The following MARCHF1 variants were observed in gnomAD, a reference collection of about 807,000 sequenced individuals.
MARCHF1 encodes membrane associated ring-CH-type finger 1.
In MARCHF1, 40 loss-of-function variants were observed where a neutral mutation model predicts 54.2. The observed-to-expected ratio is 0.74, with a 90% confidence interval of 0.57 to 0.96. MARCHF1 has a LOEUF of 0.96. Among genes scored for constraint, MARCHF1 ranks in the 40% least tolerant of loss-of-function variants. The pLI is 0.00. For missense variants in MARCHF1, 586 were observed against 656.5 expected, an observed-to-expected ratio of 0.89 and a Z score of 1.17; for synonymous variants, 236 against 236.3, an observed-to-expected ratio of 1.00 and a Z score of 0.01.
At chr4:164,100,731 T>C (rs994441359) in intron 2 of MARCHF1, among the ~76,000 whole-genome samples, 1 of 152,160 alleles carries the variant, frequency 6.6e-6, no homozygotes, top group Admixed American at 6.5e-5. Flanking sequence ...GTCAAGATAA[T>C]TGTCTAAGGA....
At chr4:164,340,922 A>C (rs1295392753) in intron 1 of MARCHF1, among the ~76,000 whole-genome samples, 1 of 151,814 alleles carries the variant, frequency 6.6e-6, no homozygotes, top group East Asian at 1.9e-4. Context: ...ACTACAAAAA[A>C]AAAAAAAAAA....
At chr4:163,814,279 C>T (rs1348378512) in intron 4 of MARCHF1, among the ~76,000 whole-genome samples, 2 of 152,208 alleles carry the variant, frequency 1.3e-5, no homozygotes, top group Admixed American at 1.3e-4. Flanking sequence ...AGTCTCCATA[C>T]TCAGGTTGGT....
At chr4:163,923,301 A>G (rs927306117) in intron 3 of MARCHF1, among the ~76,000 whole-genome samples, 1 of 152,186 alleles carries the variant, frequency 6.6e-6, no homozygotes, top group African/African-American at 2.4e-5. Flanking sequence ...TTCAAAATGA[A>G]TCATTAAAAA....
chr4:164,279,252 C>A (rs1485177356), intron 1 of MARCHF1, among the ~76,000 whole-genome samples: 1 of 150,576 alleles, frequency 6.6e-6, no homozygotes, highest in Non-Finnish European at 1.5e-5. Context: ...AGAAAGGAAA[C>A]AAAATAAACA....
intron 1 of MARCHF1, among the ~76,000 whole-genome samples, chr4:164,193,154 C>T (rs1731164465): frequency 6.6e-6 from 1 of 152,090 alleles, no homozygotes; most frequent in South Asian, 2.1e-4. Flanking sequence ...ATCCAATTTT[C>T]ACACTAAATG....
At chr4:164,223,748 T>C (rs565614582) in intron 1 of MARCHF1, among the ~76,000 whole-genome samples, 129 of 151,864 alleles carry the variant, frequency 8.5e-4, no homozygotes, top group African/African-American at 3.1e-3. Context: ...CAAAGTGTGT[T>C]TCCTGAAATA....
chr4:163,792,531 C>A (rs997237715), intron 4 of MARCHF1, among the ~76,000 whole-genome samples: 1 of 151,800 alleles, frequency 6.6e-6, no homozygotes, highest in African/African-American at 2.4e-5. Flanking sequence ...ATATATAATT[C>A]TTTTATAGTG....
chr4:164,281,437 G>A (rs936918580), intron 1 of MARCHF1, among the ~76,000 whole-genome samples: 2 of 152,128 alleles, frequency 1.3e-5, no homozygotes, highest in African/African-American at 4.8e-5. Flanking sequence ...TAACAATACT[G>A]ATGAGTAAAA....
chr4:164,128,673 C>G (rs563284224), intron 1 of MARCHF1, among the ~76,000 whole-genome samples: 10 of 152,114 alleles, frequency 6.6e-5, no homozygotes, highest in African/African-American at 1.4e-4. Context: ...ACATATATTG[C>G]TGGTGAGAAA....
chr4:163,832,757 A>G (rs1300255902), intron 4 of MARCHF1, among the ~76,000 whole-genome samples: 5 of 111,356 alleles, frequency 4.5e-5, no homozygotes, highest in Non-Finnish European at 8.8e-5. Flanking sequence ...ACCCCACAAC[A>G]GTCTCCAGTG....
At chr4:163,879,132 T>A (rs1412918348) in intron 3 of MARCHF1, among the ~76,000 whole-genome samples, 1 of 152,202 alleles carries the variant, frequency 6.6e-6, no homozygotes, top group East Asian at 1.9e-4. Flanking sequence ...AAAGAGACAC[T>A]ATGAAGACAA....
intron 3 of MARCHF1, among the ~76,000 whole-genome samples, chr4:163,968,789 C>G (rs1393888087): frequency 3.9e-5 from 6 of 152,118 alleles, no homozygotes; most frequent in Non-Finnish European, 7.4e-5. Flanking sequence ...CAACAAACAG[C>G]TCTGAAGTGC....
intron 7 of MARCHF1, among the ~76,000 whole-genome samples, chr4:163,586,800 T>C (rs1221926030): frequency 6.7e-6 from 1 of 148,532 alleles, no homozygotes; most frequent in Non-Finnish European, 1.5e-5. Flanking sequence ...ATGTAATTTA[T>C]TAAATATGGT....
intron 1 of MARCHF1, among the ~76,000 whole-genome samples, chr4:164,231,071 T>A (rs910475790): frequency 2.0e-5 from 3 of 152,104 alleles, no homozygotes; most frequent in Non-Finnish European, 4.4e-5. Context: ...GATATAAAGG[T>A]CCAGGACTTA....
At chr4:164,069,649 A>G (rs1754818706) in intron 2 of MARCHF1, among the ~76,000 whole-genome samples, 1 of 152,120 alleles carries the variant, frequency 6.6e-6, no homozygotes, top group South Asian at 2.1e-4. Flanking sequence ...AGAAGGAACA[A>G]ACTCTTTGGA....
chr4:164,034,630 G>T (rs1244923239), intron 2 of MARCHF1, among the ~76,000 whole-genome samples: 5 of 151,898 alleles, frequency 3.3e-5, no homozygotes, highest in African/African-American at 1.2e-4. Flanking sequence ...ACATATGTGT[G>T]TGTGTATATA....
intron 7 of MARCHF1, among the ~76,000 whole-genome samples, chr4:163,602,591 G>T (rs1431706141): frequency 1.3e-5 from 2 of 152,058 alleles, no homozygotes; most frequent in African/African-American, 4.8e-5. Context: ...AAAATCAACA[G>T]GAGAATGGTT....
At chr4:164,234,387 A>C (rs1180007788) in intron 1 of MARCHF1, among the ~76,000 whole-genome samples, 1 of 152,160 alleles carries the variant, frequency 6.6e-6, no homozygotes, top group Non-Finnish European at 1.5e-5. Context: ...ATTTTGCCAG[A>C]AAATTTAAAC....
At chr4:164,272,360 C>A (rs1440171566) in intron 1 of MARCHF1, among the ~76,000 whole-genome samples, 2 of 151,980 alleles carry the variant, frequency 1.3e-5, no homozygotes, top group Non-Finnish European at 2.9e-5. Flanking sequence ...ATAAAAGACA[C>A]CCAATTTTCC....
Sources: gnomAD v4.1 joint callset for allele counts (sites outside exome capture counted in the v4.1 genomes callset) on GRCh38, gnomAD v4.1.1 for gene constraint, MANE v1.5 for transcripts, NCBI Gene and HGNC (gene_info 2026-07-23, HGNC 2026-07-21) for gene names.